FBXW11: variants seen among roughly 807,000 people sequenced by gnomAD.
The protein encoded by FBXW11 is F-box/WD repeat-containing protein 11.
Under a neutral mutation model 77.6 loss-of-function variants are expected in FBXW11, and 19 were observed. The observed-to-expected ratio is 0.24, with a 90% CI of 0.17 to 0.36. FBXW11 has a LOEUF of 0.36. Ranked by LOEUF, FBXW11 falls within the 10% of genes least tolerant of loss-of-function variation. The pLI is 1.00. For missense variants in FBXW11, 334 were observed against 704.2 expected (o/e 0.47, Z 5.95); for synonymous variants, 235 against 249.4 (o/e 0.94, Z 0.54).
At chr5:171,977,170 C>A (rs1180934021) in intron 1 of FBXW11, among the ~76,000 whole-genome samples, 1 of 151,746 alleles carries the variant, frequency 6.6e-6, no homozygotes, top group Non-Finnish European at 1.5e-5. Flanking sequence ...GGAGACCCCA[C>A]CTTCACAGAA....
At chr5:171,969,225 G>A (rs1023169889) in intron 1 of FBXW11, among the ~76,000 whole-genome samples, 3 of 152,124 alleles carry the variant, frequency 2.0e-5, no homozygotes, top group Admixed American at 6.5e-5. Flanking sequence ...CTGAGATCAC[G>A]CCACCGCGCT....
At chr5:171,875,091 T>A (rs181180961) in intron 9 of FBXW11, among the ~76,000 whole-genome samples, 2 of 152,074 alleles carry the variant, frequency 1.3e-5, no homozygotes, top group Non-Finnish European at 2.9e-5. Context: ...AATAAACAGA[T>A]GAACAATGAA....
chr5:171,898,085 A>T (rs1209863761), intron 6 of FBXW11, among the ~76,000 whole-genome samples: 1 of 152,204 alleles, frequency 6.6e-6, no homozygotes, highest in East Asian at 1.9e-4. Context: ...ATGATATTCC[A>T]GTCACATTCA....
At chr5:171,873,386 C>T (rs1757876770) in intron 9 of FBXW11, among the ~76,000 whole-genome samples, 1 of 152,146 alleles carries the variant, frequency 6.6e-6, no homozygotes, top group South Asian at 2.1e-4. Flanking sequence ...GTAGCTCACA[C>T]CTAATCCTAG....
intron 8 of FBXW11, among the ~76,000 whole-genome samples, chr5:171,877,651 G>C (rs1285831601): frequency 6.6e-6 from 1 of 151,626 alleles, no homozygotes; most frequent in Non-Finnish European, 1.5e-5. Context: ...GCTTCAAGCA[G>C]GGGTGGCGAT....
At chr5:171,922,792 C>T (rs1761665091) in intron 2 of FBXW11, among the ~76,000 whole-genome samples, 1 of 152,118 alleles carries the variant, frequency 6.6e-6, no homozygotes, top group African/African-American at 2.4e-5. Flanking sequence ...AAATTTGTAA[C>T]AAGTATTTCA....
At chr5:171,969,702 T>G (rs1056973291) in intron 1 of FBXW11, among the ~76,000 whole-genome samples, 4 of 151,762 alleles carry the variant, frequency 2.6e-5, no homozygotes, top group Non-Finnish European at 5.9e-5. Context: ...ACTAGCAGCT[T>G]TTTTTGTTTT....
At chr5:171,877,631 T>C (rs1758184920) in intron 8 of FBXW11, among the ~76,000 whole-genome samples, 1 of 151,896 alleles carries the variant, frequency 6.6e-6, no homozygotes, top group Non-Finnish European at 1.5e-5. Flanking sequence ...CAGGAGAGGA[T>C]ACTAAGCATG....
intron 6 of FBXW11, among the ~76,000 whole-genome samples, chr5:171,897,586 A>G (rs1234391980): frequency 2.0e-5 from 3 of 152,226 alleles, no homozygotes; most frequent in Non-Finnish European, 4.4e-5. Flanking sequence ...AACAGCAGTC[A>G]TGAGGATTCA....
intron 2 of FBXW11, among the ~76,000 whole-genome samples, chr5:171,952,447 A>ATATATATATATTTT: frequency 2.9e-4 from 2 of 6,948 alleles, no homozygotes; most frequent in African/African-American, 3.4e-4. Context: ...ATATATATAT[A>ATATATATATATTTT]TTTTTTTTTT....
chr5:171,927,081 T>A (rs1761930929), intron 2 of FBXW11, among the ~76,000 whole-genome samples: 2 of 152,154 alleles, frequency 1.3e-5, no homozygotes, highest in African/African-American at 4.8e-5. Context: ...CAGTAAAGCT[T>A]TTAGAAGAAG....
intron 1 of FBXW11, among the ~76,000 whole-genome samples, chr5:171,999,404 T>A (rs60651767): frequency 0.027 from 4,012 of 151,090 alleles, 189 homozygotes; most frequent in African/African-American, 0.091. Flanking sequence ...AAAAAAAATA[T>A]ATATATATAT....
At chr5:171,933,851 T>C (rs1420359338) in intron 2 of FBXW11, among the ~76,000 whole-genome samples, 2 of 151,700 alleles carry the variant, frequency 1.3e-5, no homozygotes, top group East Asian at 3.9e-4. Flanking sequence ...TTTCATCTAT[T>C]TAAAAAAAAA....
chr5:171,879,282 G>C (rs1276109533), intron 7 of FBXW11, among the ~76,000 whole-genome samples: 1 of 152,112 alleles, frequency 6.6e-6, no homozygotes, highest in Non-Finnish European at 1.5e-5. Context: ...TTCATGGCTT[G>C]ATATACATTC....
At chr5:171,987,503 T>G (rs542663257) in intron 1 of FBXW11, among the ~76,000 whole-genome samples, 6 of 152,066 alleles carry the variant, frequency 3.9e-5, no homozygotes, top group Non-Finnish European at 7.4e-5. Flanking sequence ...CAGGCTGGAG[T>G]GCAGTGGCAC....
intron 2 of FBXW11, among the ~76,000 whole-genome samples, chr5:171,954,090 C>T (rs776302603): frequency 6.6e-6 from 1 of 152,220 alleles, no homozygotes; most frequent in Non-Finnish European, 1.5e-5. Flanking sequence ...CACTCTCCCC[C>T]AGCTGAGGCT....
At chr5:171,874,496 C>T (rs1023525705) in intron 9 of FBXW11, among the ~76,000 whole-genome samples, 2 of 152,032 alleles carry the variant, frequency 1.3e-5, no homozygotes, top group African/African-American at 4.8e-5. Flanking sequence ...AGTAAGTTGC[C>T]GCATATAAAT....
At chr5:171,891,735 G>A in intron 6 of FBXW11, 131 bp from the exon 7 acceptor site, 1 of 801,616 alleles carries the variant, frequency 1.2e-6, no homozygotes, top group Non-Finnish European at 1.9e-6. Flanking sequence ...ACTGTCTGTG[G>A]ATAGGATCAT....
intron 1 of FBXW11, among the ~76,000 whole-genome samples, chr5:171,975,239 C>G (rs1561740279): frequency 1.3e-5 from 2 of 152,176 alleles, no homozygotes; most frequent in Non-Finnish European, 2.9e-5. Flanking sequence ...AAAACTCCAA[C>G]AAAGAAGCCA....
Sources: allele counts gnomAD v4.1 joint callset (sites outside exome capture counted in the v4.1 genomes callset), GRCh38; gene constraint gnomAD v4.1.1; transcripts MANE v1.5; gene names NCBI Gene and HGNC (gene_info 2026-07-23, HGNC 2026-07-21).